The following RABGAP1L variants were observed in gnomAD, a reference collection of about 807,000 sequenced individuals.
RABGAP1L encodes RAB GTPase activating protein 1 like, also known as rab GTPase-activating protein 1-like.
Under a neutral mutation model 137.7 loss-of-function variants are expected in RABGAP1L, and 63 were observed. That is an observed-to-expected ratio of 0.46 (90% CI 0.37 to 0.56). The LOEUF (loss-of-function observed/expected upper bound fraction) is 0.56. RABGAP1L is among the 20% of genes least tolerant of loss of function. The pLI, the probability that RABGAP1L is intolerant of heterozygous loss-of-function variation, is 0.00. For missense variants in RABGAP1L, 1,095 were observed against 1,244.0 expected (o/e 0.88, Z 1.80); for synonymous variants, 431 against 433.7 (o/e 0.99, Z 0.08).
At chr1:174,408,824 A>T (rs1321266420) in intron 13 of RABGAP1L, among the ~76,000 whole-genome samples, 1 of 151,966 alleles carries the variant, frequency 6.6e-6, no homozygotes, top group African/African-American at 2.4e-5. Flanking sequence ...AGTGATGTTG[A>T]GCATTTTTTC....
In RABGAP1L at chr1:174,377,759, CT is replaced by C. The variant is rs1553287117; in HGVS notation, c.1559+6701del. Among the ~76,000 whole-genome samples, 373 of 141,794 alleles carry C rather than the reference CT, an allele frequency of 2.6e-3. 2 individuals carry two copies. Among genetic ancestry groups the C allele is most frequent in the South Asian group, 0.024 (107 of 4,482 alleles). 93.0% of individuals were successfully genotyped at this position (141,794 alleles called of 152,430 possible). On this transcript the variant is annotated intron_variant, in intron 12 of 25. Coordinates refer to ENST00000681986, the MANE Select transcript of RABGAP1L (RefSeq NM_001366446.1). ...AAAGCGTAGCATAGCAACTGCAACT[CT>C]TTTTTTTTTTTTTAAGATTTTATTA...
chr1:174,340,297 G>A lies in RABGAP1L; in HGVS notation c.1466-30682G>A, dbSNP rs73038644. On this transcript the variant is annotated intron_variant, in intron 11 of 25. Transcript: ENST00000681986. ...AGTACCCCATGGAATGTTATCCTTA[G>A]TTCTTCCTTTTCTTTTTTTCTTCAA... Among the ~76,000 whole-genome samples, 800 of 152,176 alleles carry A rather than the reference G, an allele frequency of 5.3e-3. 9 individuals carry two copies. The highest frequency in any genetic ancestry group is 0.018 in the African/African-American group (759 of 41,550).
At chr1:174,916,950 T>G (rs1179991759) in intron 19 of RABGAP1L, among the ~76,000 whole-genome samples, 1 of 152,208 alleles carries the variant, frequency 6.6e-6, no homozygotes, top group Non-Finnish European at 1.5e-5. Context: ...TGTCTGCAGT[T>G]TTGGAGGCTG....
At chr1:174,225,398 C>T (rs1201026812) in intron 3 of RABGAP1L, among the ~76,000 whole-genome samples, 1 of 151,486 alleles carries the variant, frequency 6.6e-6, no homozygotes, top group South Asian at 2.1e-4. Context: ...GAATAGATCA[C>T]CCTTTTATGT....
intron 10 of RABGAP1L, among the ~76,000 whole-genome samples, chr1:174,284,946 A>G (rs926358015): frequency 2.0e-5 from 3 of 151,710 alleles, no homozygotes; most frequent in African/African-American, 7.2e-5. Flanking sequence ...TATTTTTCCA[A>G]TCCATGAACA....
chr1:174,488,479 G>A (rs1659889080), intron 13 of RABGAP1L, among the ~76,000 whole-genome samples: 1 of 152,020 alleles, frequency 6.6e-6, no homozygotes, highest in Admixed American at 6.6e-5. Flanking sequence ...ACCTTTGGGA[G>A]TTTAACTATT....
intron 19 of RABGAP1L, among the ~76,000 whole-genome samples, chr1:174,841,501 TC>T (rs1432946855): frequency 6.6e-6 from 1 of 151,620 alleles, no homozygotes; most frequent in Non-Finnish European, 1.5e-5. Flanking sequence ...AGAAAATAAC[TC>T]CATTAAATAT....
chr1:174,470,269 G>T (rs1026396286), intron 13 of RABGAP1L, among the ~76,000 whole-genome samples: 1 of 151,926 alleles, frequency 6.6e-6, no homozygotes, highest in Admixed American at 6.6e-5. Context: ...TTACTTTCTA[G>T]CCCCTCAAAA....
chr1:174,168,584 T>TA (rs1335220196), intron 1 of RABGAP1L, among the ~76,000 whole-genome samples: 6 of 152,242 alleles, frequency 3.9e-5, no homozygotes, highest in Non-Finnish European at 7.3e-5. Context: ...AAAGATCTAT[T>TA]ACCAAGTTGC....
At chr1:174,198,121 A>T (rs1667833699) in intron 1 of RABGAP1L, among the ~76,000 whole-genome samples, 1 of 152,210 alleles carries the variant, frequency 6.6e-6, no homozygotes, top group Non-Finnish European at 1.5e-5. Context: ...CACTGTTCTA[A>T]TTATAGTCTA....
In RABGAP1L at chr1:174,388,954, T is replaced by C. The variant is rs546594517; in HGVS notation, c.1560-5041T>C. Among the ~76,000 whole-genome samples the C allele has an allele frequency of 1.1e-3, 162 of 152,156 alleles. 1 individual carries two copies. Among genetic ancestry groups the C allele is most frequent in the African/African-American group, 3.5e-3 (147 of 41,558 alleles). ...TTTCTGTAATTCCATTGGTGACTTTTCAGTGGTCACATTCAATGACTTTTA... is the reference window on the plus strand; with the variant it reads ...TTTCTGTAATTCCATTGGTGACTTTCCAGTGGTCACATTCAATGACTTTTA... On this transcript the variant is annotated intron_variant, in intron 12 of 25. Coordinates refer to ENST00000681986, the MANE Select transcript of RABGAP1L (RefSeq NM_001366446.1).
At chr1:174,211,047 G>A (rs945632338) in intron 1 of RABGAP1L, among the ~76,000 whole-genome samples, 9 of 152,148 alleles carry the variant, frequency 5.9e-5, no homozygotes, top group South Asian at 4.1e-4. Context: ...AAAAGCTGAG[G>A]GATTTCATGA....
At chr1:174,413,925 A>G (rs978064256) in intron 13 of RABGAP1L, among the ~76,000 whole-genome samples, 2 of 132,240 alleles carry the variant, frequency 1.5e-5, no homozygotes, top group African/African-American at 6.9e-5. Context: ...CTGCTTAACT[A>G]CCATAGGACA....
intron 22 of RABGAP1L, among the ~76,000 whole-genome samples, chr1:174,977,957 C>T (rs1302354750): frequency 3.3e-5 from 5 of 152,106 alleles, no homozygotes; most frequent in Admixed American, 2.0e-4. Context: ...ACAGAGTATA[C>T]GCCATTAATA....
intron 10 of RABGAP1L, among the ~76,000 whole-genome samples, chr1:174,295,138 C>T (rs766698972): frequency 2.9e-4 from 44 of 151,048 alleles, no homozygotes; most frequent in Non-Finnish European, 5.4e-4. Context: ...AAGATGGGCT[C>T]GATGTCCTGA....
chr1:174,432,604 C>G (rs1652769217), intron 13 of RABGAP1L, among the ~76,000 whole-genome samples: 2 of 152,104 alleles, frequency 1.3e-5, no homozygotes, highest in African/African-American at 4.8e-5. Flanking sequence ...ATGGCATGAT[C>G]TCAGCTGACT....
intron 1 of RABGAP1L, among the ~76,000 whole-genome samples, chr1:174,161,362 C>A (rs1398102485): frequency 1.3e-5 from 2 of 152,152 alleles, no homozygotes; most frequent in Middle Eastern, 3.4e-3. Context: ...CCTGCCTCAG[C>A]TTTTTGTGTA....
chr1:174,581,178 C>T (rs1668720352), intron 13 of RABGAP1L, among the ~76,000 whole-genome samples: 2 of 152,078 alleles, frequency 1.3e-5, no homozygotes, highest in African/African-American at 4.8e-5. Flanking sequence ...AGGTAAATAG[C>T]CAAGAGAATT....
intron 14 of RABGAP1L, among the ~76,000 whole-genome samples, chr1:174,661,542 A>G (rs1676367631): frequency 6.6e-6 from 1 of 152,226 alleles, no homozygotes. Context: ...TAATTTTTCC[A>G]ATGCTTGTGG....
Sources: gnomAD v4.1 joint callset for allele counts (sites outside exome capture counted in the v4.1 genomes callset) on GRCh38, gnomAD v4.1.1 for gene constraint, MANE v1.5 for transcripts, NCBI Gene and HGNC (gene_info 2026-07-23, HGNC 2026-07-21) for gene names.